The following HDAC4 variants were observed in gnomAD, a reference collection of about 807,000 sequenced individuals.
The protein encoded by HDAC4 is histone deacetylase 4, also known as histone deacetylase A.
Under a neutral mutation model 135.1 loss-of-function variants are expected in HDAC4, and 16 were observed. That is an observed-to-expected ratio of 0.12 (90% CI 0.08 to 0.18). The LOEUF (loss-of-function observed/expected upper bound fraction) is 0.18, where lower values mean the gene tolerates loss of function less well. Ranked by LOEUF, HDAC4 falls within the 10% of genes least tolerant of loss-of-function variation. The pLI, the probability that HDAC4 is intolerant of heterozygous loss-of-function variation, is 1.00. For missense variants in HDAC4, 1,143 were observed against 1,511.8 expected (o/e 0.76, Z 4.05); for synonymous variants, 685 against 653.4 (o/e 1.05, Z -0.74).
At chr2:239,304,564 T>G (rs2052463853) in intron 2 of HDAC4, among the ~76,000 whole-genome samples, 1 of 152,182 alleles carries the variant, frequency 6.6e-6, no homozygotes, top group Non-Finnish European at 1.5e-5. Context: ...CTTCTTGTTC[T>G]TCAAAAGATA....
Position 239,050,657 on chromosome 2 carries a change from A to C in HDAC4, c.*2440T>G, listed in dbSNP as rs2030704905. 6.6e-6 allele frequency: 1 copy of C among 152,622 alleles called. No homozygotes were observed. Among genetic ancestry groups the C allele is most frequent in the Admixed American group, 6.5e-5 (1 of 15,278 alleles). The allele number at this position is 152,622 out of a possible 1,614,324, so 9.5% of individuals were successfully genotyped here. A position where few individuals can be genotyped will look rare whatever the true frequency, so the allele number is the denominator to read the frequency against. On this transcript the variant is annotated 3_prime_UTR_variant, in exon 27 of 27. Coordinates refer to ENST00000543185, the MANE Select transcript of HDAC4 (RefSeq NM_001378414.1). ...AAAGTTTGAGTTAATTTCAGAAGCT[A>C]CCCTGTAAACTTTACCAAACTCCGA...
rs769448011 is a variant in HDAC4 at position 239,134,539 on chromosome 2, G to A, written c.1083C>T (p.Thr361=). 4.3e-6 allele frequency: 7 copies of A among 1,613,746 alleles called. No individual in the cohort carries two copies. The highest frequency in any genetic ancestry group is 2.2e-5 in the East Asian group (1 of 44,872). Residue 361 remains threonine, a synonymous_variant, in exon 10 of 27, where the codon ACC becomes ACT. Transcript: ENST00000543185. ...LPNITLGLPA[T]GPSAGTAGQQ... is the part of the protein sequence containing the mutation. ...GGGGCTGACTTACCGCAGAGGGGCC[G>A]GTGGCAGGCAGGCCCAGCGTGATGT...
chr2:239,304,444 T>C (rs2052456772), intron 2 of HDAC4, among the ~76,000 whole-genome samples: 1 of 152,208 alleles, frequency 6.6e-6, no homozygotes. Flanking sequence ...GATTAACAGC[T>C]CAGGCCCTGC....
chr2:239,312,165 G>A (rs2052911678), intron 2 of HDAC4, among the ~76,000 whole-genome samples: 1 of 152,194 alleles, frequency 6.6e-6, no homozygotes, highest in Non-Finnish European at 1.5e-5. Context: ...CTGCAACCTG[G>A]AAGGAGGGGC....
At chr2:239,323,858 AT>A (rs1348562479) in intron 2 of HDAC4, among the ~76,000 whole-genome samples, 3 of 152,132 alleles carry the variant, frequency 2.0e-5, no homozygotes, top group African/African-American at 7.2e-5. Flanking sequence ...AAAAACATTC[AT>A]TTTTATTTTT....
chr2:239,126,176 C>T (rs1000344205), intron 12 of HDAC4, among the ~76,000 whole-genome samples: 2 of 152,200 alleles, frequency 1.3e-5, no homozygotes, highest in South Asian at 4.1e-4. Flanking sequence ...GGGCACTGGT[C>T]CAACGGAACT....
At chr2:239,336,842 A>G (rs1691971068) in intron 2 of HDAC4, among the ~76,000 whole-genome samples, 1 of 152,216 alleles carries the variant, frequency 6.6e-6, no homozygotes, top group Non-Finnish European at 1.5e-5. Context: ...GTTTCCCACT[A>G]ATGTCTTTTA....
chr2:239,232,187 A>T (rs1398981568), intron 3 of HDAC4, among the ~76,000 whole-genome samples: 1 of 152,254 alleles, frequency 6.6e-6, no homozygotes, highest in African/African-American at 2.4e-5. Flanking sequence ...ATAAACATAC[A>T]TTGCTTTTAT....
chr2:239,335,210 A>G (rs1038430469), intron 2 of HDAC4, among the ~76,000 whole-genome samples: 1 of 152,188 alleles, frequency 6.6e-6, no homozygotes, highest in Non-Finnish European at 1.5e-5. Context: ...GAACTAGAAT[A>G]AAGTGCAAAA....
At chr2:239,060,102 TCA>T (rs2032460424) in intron 24 of HDAC4, among the ~76,000 whole-genome samples, 2 of 152,202 alleles carry the variant, frequency 1.3e-5, no homozygotes, top group Non-Finnish European at 2.9e-5. Flanking sequence ...GTGCTTCAGC[TCA>T]GTGTGTCACA....
intron 22 of HDAC4, among the ~76,000 whole-genome samples, chr2:239,079,468 C>CCCA (rs2152676256): frequency 6.6e-6 from 1 of 152,232 alleles, no homozygotes. Context: ...GGGAGGGGGG[C>CCCA]CCACGTGTCC....
intron 2 of HDAC4, among the ~76,000 whole-genome samples, chr2:239,238,818 TA>T (rs2048028639): frequency 6.6e-6 from 1 of 152,246 alleles, no homozygotes; most frequent in Admixed American, 6.5e-5. Flanking sequence ...GGTGTTCCTG[TA>T]TCCACAAGCA....
At chr2:239,386,380 C>T (rs969661041) in intron 1 of HDAC4, among the ~76,000 whole-genome samples, 1 of 152,190 alleles carries the variant, frequency 6.6e-6, no homozygotes, top group Admixed American at 6.5e-5. Context: ...ACACCAGAGG[C>T]AGATGAGTGT....
chr2:239,086,784 A>G (rs1371037005), intron 19 of HDAC4, among the ~76,000 whole-genome samples: 1 of 152,234 alleles, frequency 6.6e-6, no homozygotes, highest in Non-Finnish European at 1.5e-5. Flanking sequence ...TCCAAGGCAG[A>G]GCCCTATGCC....
intron 2 of HDAC4, among the ~76,000 whole-genome samples, chr2:239,243,262 C>T (rs2048292280): frequency 6.6e-6 from 1 of 151,928 alleles, no homozygotes; most frequent in African/African-American, 2.4e-5. Flanking sequence ...ACGCCATTCT[C>T]CTGCCTCAGC....
chr2:239,252,936 C>A (rs185302924), intron 2 of HDAC4, among the ~76,000 whole-genome samples: 2 of 152,252 alleles, frequency 1.3e-5, no homozygotes, highest in Non-Finnish European at 2.9e-5. Context: ...TGCGCTTCGC[C>A]GGCCACCGGT....
At chr2:239,135,344 A>T (rs1224668016) in intron 9 of HDAC4, among the ~76,000 whole-genome samples, 1 of 152,226 alleles carries the variant, frequency 6.6e-6, no homozygotes, top group South Asian at 2.1e-4. Context: ...GACGAGGGTC[A>T]GCACAGAGAG....
At chr2:239,163,475 C>T (rs893548653) in intron 6 of HDAC4, among the ~76,000 whole-genome samples, 2 of 151,972 alleles carry the variant, frequency 1.3e-5, no homozygotes, top group African/African-American at 2.4e-5. Context: ...GGGCCCACCC[C>T]GTGAGGATGG....
In HDAC4 at chr2:239,400,501, G is replaced by A. The variant is rs1430169799; in HGVS notation, c.-220+477C>T. On this transcript the variant is annotated intron_variant, in intron 1 of 26. Transcript: ENST00000543185. This position sits in a 1 kb window ranked among gnomAD's most constrained non-coding sequence, Gnocchi z 4.7. ...CGGGTGGAAAGGTCCAGAAGGGGCCGGGCGGCCCTGGGGACCGGCGGGTCC... is the reference window on the plus strand; with the variant it reads ...CGGGTGGAAAGGTCCAGAAGGGGCCAGGCGGCCCTGGGGACCGGCGGGTCC... 2 of 146,056 alleles carry A rather than the reference G, an allele frequency of 1.4e-5. No homozygotes were observed. The highest frequency in any genetic ancestry group is 2.5e-5 in the African/African-American group (1 of 40,744). The allele number at this position is 146,056 out of a possible 1,614,324, so 9.0% of individuals were successfully genotyped here.
Sources: gnomAD v4.1 joint callset for allele counts (sites outside exome capture counted in the v4.1 genomes callset) on GRCh38, gnomAD v4.1.1 for gene constraint, Gnocchi (gnomAD v3.1) non-coding constraint, MANE v1.5 for transcripts, NCBI Gene and HGNC (gene_info 2026-07-23, HGNC 2026-07-21) for gene names.